Variants in LYRM4 observed in about 807,000 individuals in gnomAD.
The protein encoded by LYRM4 is LYR motif containing 4, also known as LYR motif-containing protein 4.
LYRM4 carries 9 observed loss-of-function variants against 11.7 expected under a neutral mutation model. That is an observed-to-expected ratio of 0.77 (90% confidence interval 0.46 to 1.34). The LOEUF (loss-of-function observed/expected upper bound fraction) is 1.34, where lower values mean the gene tolerates loss of function less well. Among genes scored for constraint, LYRM4 ranks in the 40% most tolerant of loss-of-function variants. The probability of loss-of-function intolerance (pLI) is 0.00; values close to 1 mark genes in which losing one functional copy is unlikely to be tolerated. For synonymous variants in LYRM4, 42 were observed against 40.4 expected (o/e 1.04, Z -0.15); for missense variants, 133 against 112.5 (o/e 1.18, Z -0.82).
chr6:5,124,296 T>C (rs1015726855), intron 2 of LYRM4, among the ~76,000 whole-genome samples: 1 of 152,206 alleles, frequency 6.6e-6, no homozygotes. Flanking sequence ...CTCCTGCTGC[T>C]GCCCCCGCTG....
the LYRM4 span, among the ~76,000 whole-genome samples, chr6:5,045,045 T>C: frequency 0.028 from 4,194 of 152,328 alleles, 81 homozygotes; most frequent in South Asian, 0.097. Flanking sequence ...CCTTGTACCA[T>C]GTTGGTGGCA....
rs1288332536 is a variant in LYRM4 at position 5,108,527 on chromosome 6, T to C, written c.*896A>G. 1 of 580,102 alleles carries C rather than the reference T, an allele frequency of 1.7e-6. No individual in the cohort carries two copies. The highest frequency in any genetic ancestry group is 6.4e-5 in the Admixed American group (1 of 15,738). The allele number at this position is 580,102 out of a possible 1,614,324, so 35.9% of individuals were successfully genotyped here. ...GGGAGAGCTTCAGAATAGAGAAAAA[T>C]GACTGTGCCTCACCCCTCACTTACT... On this transcript the variant is annotated 3_prime_UTR_variant, in exon 3 of 3. Coordinates refer to ENST00000330636, the MANE Select transcript of LYRM4 (RefSeq NM_020408.6).
the LYRM4 span, among the ~76,000 whole-genome samples, chr6:5,073,407 T>C: frequency 6.6e-6 from 1 of 150,814 alleles, no homozygotes; most frequent in African/African-American, 2.4e-5. Flanking sequence ...CATCAAAGAT[T>C]TCTCTATCAG....
At chr6:5,210,006 G>A (rs1408084231) in intron 2 of LYRM4, among the ~76,000 whole-genome samples, 2 of 152,290 alleles carry the variant, frequency 1.3e-5, no homozygotes, top group Non-Finnish European at 2.9e-5. Flanking sequence ...AAGGAAGAAG[G>A]CTAACAGCAG....
rs79703022 is a variant in LYRM4 at position 5,160,289 on chromosome 6, T to C, written c.208-50798A>G. ...TTACTAGCCTCTCGGACCCTCCACA[T>C]GCTCAGCTGAGAAGTGGAGAGCAGA... On this transcript the variant is annotated intron_variant, in intron 2 of 2. Transcript: ENST00000330636. 5.0e-3 allele frequency among the ~76,000 whole-genome samples: 754 copies of C among 152,162 alleles called. 3 individuals carry two copies. The highest frequency in any genetic ancestry group is 0.016 in the African/African-American group (672 of 41,514).
chr6:5,085,757 C>T, the LYRM4 span: 1 of 1,537,182 alleles, frequency 6.5e-7, no homozygotes, highest in Admixed American at 2.0e-5. Flanking sequence ...CCCGCCGACC[C>T]CATCTTGCAG....
At chr6:5,127,456 A>T (rs1289537666) in intron 2 of LYRM4, among the ~76,000 whole-genome samples, 2 of 152,216 alleles carry the variant, frequency 1.3e-5, no homozygotes, top group Non-Finnish European at 2.9e-5. Context: ...AATACAGGTT[A>T]AAAAGTCACT....
chr6:5,052,707 A>G, the LYRM4 span, among the ~76,000 whole-genome samples: 1 of 152,352 alleles, frequency 6.6e-6, no homozygotes. Flanking sequence ...TGAACTGTAC[A>G]CTGAAAATGG....
the LYRM4 span, among the ~76,000 whole-genome samples, chr6:5,064,905 A>C: frequency 1.3e-5 from 2 of 151,930 alleles, no homozygotes; most frequent in Admixed American, 1.3e-4. Flanking sequence ...TAAAGTCCAT[A>C]GTTTACATCA....
At chr6:5,057,419 A>T in the LYRM4 span, among the ~76,000 whole-genome samples, 1 of 152,192 alleles carries the variant, frequency 6.6e-6, no homozygotes, top group African/African-American at 2.4e-5. Context: ...TTTGGAGTTC[A>T]AACTTCCCTC....
rs111274727 is a variant in LYRM4, at chr6:5,257,195, G to A, written c.86+3453C>T. ...GGGTAAAGTCCAGGGTCCTCAGCAC[G>A]GCCCCCAGGCCCTCAAATCAGTGGC... On this transcript the variant is annotated intron_variant, in intron 1 of 2. Coordinates refer to ENST00000330636, the MANE Select transcript of LYRM4 (RefSeq NM_020408.6). Among the ~76,000 whole-genome samples the A allele has an allele frequency of 4.4e-3, 668 of 152,122 alleles. 3 individuals carry two copies. Among genetic ancestry groups the A allele is most frequent in the African/African-American group, 0.015 (637 of 41,492 alleles).
intron 1 of LYRM4, among the ~76,000 whole-genome samples, chr6:5,242,220 G>A (rs996614058): frequency 3.3e-5 from 5 of 151,528 alleles, no homozygotes; most frequent in African/African-American, 1.2e-4. Context: ...CTACAGGCAC[G>A]TGCCACCACG....
At chr6:5,244,471 A>G (rs1764049857) in intron 1 of LYRM4, among the ~76,000 whole-genome samples, 1 of 152,170 alleles carries the variant, frequency 6.6e-6, no homozygotes, top group African/African-American at 2.4e-5. Flanking sequence ...TAGGGGATGG[A>G]CCAGATCTGA....
intron 2 of LYRM4, among the ~76,000 whole-genome samples, chr6:5,159,966 GT>G (rs1390753633): frequency 6.6e-6 from 1 of 152,020 alleles, no homozygotes; most frequent in South Asian, 2.1e-4. Flanking sequence ...TTCCATTTTA[GT>G]TTTTTGCTTC....
At chr6:5,160,963 C>G (rs1758725410) in intron 2 of LYRM4, among the ~76,000 whole-genome samples, 1 of 152,200 alleles carries the variant, frequency 6.6e-6, no homozygotes. Flanking sequence ...AAGTCAGTCA[C>G]AGTCTAACTG....
chr6:5,086,523 C>G, the LYRM4 span: 15 of 1,533,436 alleles, frequency 9.8e-6, no homozygotes, highest in Non-Finnish European at 1.2e-5. Context: ...CGGGCGCCAA[C>G]TACACGCTGC....
chr6:5,062,045 T>C, the LYRM4 span, among the ~76,000 whole-genome samples: 2 of 151,210 alleles, frequency 1.3e-5, no homozygotes, highest in African/African-American at 4.8e-5. Flanking sequence ...AATACTATTA[T>C]TTTCATTTCT....
intron 2 of LYRM4, among the ~76,000 whole-genome samples, chr6:5,207,044 C>CA (rs1761740030): frequency 6.6e-6 from 1 of 152,268 alleles, no homozygotes; most frequent in Admixed American, 6.5e-5. Context: ...TGACTTTAGA[C>CA]AGAGTCAATA....
chr6:5,183,139 T>C (rs1205991589), intron 2 of LYRM4, among the ~76,000 whole-genome samples: 2 of 152,206 alleles, frequency 1.3e-5, no homozygotes, highest in African/African-American at 4.8e-5. Context: ...GTGTATTTAT[T>C]TAGAAAGACA....
Sources: gnomAD v4.1 joint callset for allele counts (sites outside exome capture counted in the v4.1 genomes callset) on GRCh38, gnomAD v4.1.1 for gene constraint, MANE v1.5 for transcripts, NCBI Gene and HGNC (gene_info 2026-07-23, HGNC 2026-07-21) for gene names.